Variants in LRFN5 observed in about 807,000 individuals in gnomAD.
LRFN5 encodes the protein leucine rich repeat and fibronectin type III domain containing 5.
Under a neutral mutation model 45.6 loss-of-function variants are expected in LRFN5, and 24 were observed. The observed-to-expected ratio is 0.53, with a 90% CI of 0.38 to 0.74. LRFN5 has a LOEUF of 0.74. Among genes scored for constraint, LRFN5 ranks in the 30% least tolerant of loss-of-function variants. LRFN5 has a pLI of 0.00. For missense variants in LRFN5, 776 were observed against 861.5 expected (o/e 0.90, Z 1.24); for synonymous variants, 340 against 313.8 (o/e 1.08, Z -0.88).
At chr14:41,631,321 T>C (rs1186063065) in intron 1 of LRFN5, among the ~76,000 whole-genome samples, 1 of 152,156 alleles carries the variant, frequency 6.6e-6, no homozygotes, top group Admixed American at 6.6e-5. Flanking sequence ...TATCATTCCA[T>C]ACTGTTCAAA....
intron 1 of LRFN5, among the ~76,000 whole-genome samples, chr14:41,635,308 T>C (rs1404776218): frequency 6.6e-6 from 1 of 152,204 alleles, no homozygotes; most frequent in Non-Finnish European, 1.5e-5. Flanking sequence ...TTGAATACAT[T>C]ATTTTTAAAA....
At chr14:41,897,761 G>T (rs566007383) in intron 4 of LRFN5, among the ~76,000 whole-genome samples, 9 of 152,102 alleles carry the variant, frequency 5.9e-5, no homozygotes, top group African/African-American at 2.2e-4. Flanking sequence ...CAAACTTGGT[G>T]ACTGTTATGT....
At chr14:41,688,702 A>T (rs1436801062) in intron 1 of LRFN5, among the ~76,000 whole-genome samples, 1 of 151,852 alleles carries the variant, frequency 6.6e-6, no homozygotes, top group East Asian at 1.9e-4. Flanking sequence ...AAAAAAAACC[A>T]TGAGATACCA....
chr14:41,840,974 TAGTC>T (rs1165679328), intron 2 of LRFN5, among the ~76,000 whole-genome samples: 1 of 151,938 alleles, frequency 6.6e-6, no homozygotes, highest in Non-Finnish European at 1.5e-5. Flanking sequence ...CGTATTTTAG[TAGTC>T]AGTATTTGAA....
chr14:41,902,375 G>A (rs1891129040), intron 5 of LRFN5, among the ~76,000 whole-genome samples: 1 of 151,528 alleles, frequency 6.6e-6, no homozygotes, highest in African/African-American at 2.4e-5. Context: ...TTATGTTTAG[G>A]TATTTATGGA....
At position 41,790,527 on chromosome 14, in the gene LRFN5, G is replaced by T. The variant is rs377164044; in HGVS notation, c.-21+23498G>T. Among the ~76,000 whole-genome samples, 3 of 145,918 alleles carry T rather than the reference G, an allele frequency of 2.1e-5. No individual in the cohort carries two copies. In the East Asian group the frequency reaches 6.1e-4, roughly 30 times the overall value. ...TAACTATGGTGGATTTTCTTTTTCTGCTAATTAATATTTGCTCTTCTTCTT... is the reference window on the plus strand; with the variant it reads ...TAACTATGGTGGATTTTCTTTTTCTTCTAATTAATATTTGCTCTTCTTCTT... On this transcript the variant is annotated intron_variant, in intron 2 of 5. Transcript: ENST00000298119.
intron 2 of LRFN5, among the ~76,000 whole-genome samples, chr14:41,817,699 T>C (rs1179280565): frequency 2.0e-5 from 3 of 152,254 alleles, no homozygotes; most frequent in African/African-American, 7.2e-5. Flanking sequence ...TATTTTCATC[T>C]TTCTCCTGCT....
At chr14:41,869,428 C>CTT (rs143045395) in intron 2 of LRFN5, among the ~76,000 whole-genome samples, 1 of 144,018 alleles carries the variant, frequency 6.9e-6, no homozygotes, top group Non-Finnish European at 1.5e-5. Context: ...CTTTATGCAG[C>CTT]TTTTTTTTTT....
At chr14:41,657,537 A>C (rs1432734762) in intron 1 of LRFN5, among the ~76,000 whole-genome samples, 1 of 151,974 alleles carries the variant, frequency 6.6e-6, no homozygotes, top group Non-Finnish European at 1.5e-5. Context: ...GAAGCTCATA[A>C]GGTAATTTGG....
Position 41,887,533 on chromosome 14 carries a change from G to A in LRFN5, c.908G>A (p.Arg303Lys), listed in dbSNP as rs766002624. The A allele has an allele frequency of 1.9e-6, 3 of 1,614,160 alleles. No homozygotes were observed. In the Admixed American group the frequency reaches 5.0e-5, roughly 27 times the overall value. ...THEMRVLEGQ[R>K]ATLRCKARGD... ...GAGATGAGAGTCCTGGAGGGACAAAGGGCAACACTGAGGTGCAAAGCCAGG... is the reference window on the plus strand; with the variant it reads ...GAGATGAGAGTCCTGGAGGGACAAAAGGCAACACTGAGGTGCAAAGCCAGG... Residue 303 changes from arginine (R) to lysine (K), a missense_variant, in exon 3 of 6, where the codon AGG (arginine) becomes AAG (lysine). Coordinates refer to ENST00000298119, the MANE Select transcript of LRFN5 (RefSeq NM_152447.5). The surrounding 1 kb of genome is among the most constrained non-coding windows in gnomAD (Gnocchi z 4.8).
In LRFN5 at chr14:41,631,718, T is replaced by C. The variant is rs188419317; in HGVS notation, c.-197+23156T>C. On this transcript the variant is annotated intron_variant, in intron 1 of 5. Coordinates refer to ENST00000298119, the MANE Select transcript of LRFN5 (RefSeq NM_152447.5). ...ACTGAGAGAAATAATAAGTCATGAG[T>C]ATATCCAGAAGAACAGAGCCTGAGA... is the stretch of plus-strand genomic sequence containing the variant. 1.5e-3 allele frequency among the ~76,000 whole-genome samples: 223 copies of C among 152,060 alleles called. 1 individual carries two copies. The highest frequency in any genetic ancestry group is 2.3e-3 in the Non-Finnish European group (157 of 67,998).
rs772168520 is a variant in LRFN5, at chr14:41,891,953, A to G, written c.2089A>G (p.Ile697Val). 17 of 1,612,016 alleles carry G rather than the reference A, an allele frequency of 1.1e-5. No individual in the cohort carries two copies. The highest frequency in any genetic ancestry group is 5.4e-5 in the African/African-American group (4 of 74,714). Residue 697 changes from isoleucine (I) to valine (V), a missense_variant, in exon 4 of 6, where the codon ATA (isoleucine) becomes GTA (valine). Ile to Val is a conservative substitution (Grantham distance 29). Around this residue, in one of 2 missense-constraint regions of LRFN5, gnomAD observed 465 missense variants for 456.4 expected, o/e 1.02. Coordinates refer to ENST00000298119, the MANE Select transcript of LRFN5 (RefSeq NM_152447.5). ...TEGPTSKRAH[I>V]KPNALLTNVD... ...GGGGCCCACGTCTAAAAGAGCACAT[A>G]TAAAGCCAAGTAAGTTTATCACTTT...
chr14:41,819,048 T>C (rs1027756187), intron 2 of LRFN5, among the ~76,000 whole-genome samples: 3 of 152,194 alleles, frequency 2.0e-5, no homozygotes, highest in African/African-American at 7.2e-5. Context: ...GTTCTGTCCA[T>C]ATTGCTGCAA....
intron 2 of LRFN5, among the ~76,000 whole-genome samples, chr14:41,880,557 C>T (rs1001991644): frequency 1.2e-4 from 18 of 151,826 alleles, no homozygotes; most frequent in Non-Finnish European, 2.5e-4. Context: ...AATAGTCTTG[C>T]TAAAGTTCCA....
At chr14:41,645,021 A>G (rs767892573) in intron 1 of LRFN5, among the ~76,000 whole-genome samples, 6 of 152,202 alleles carry the variant, frequency 3.9e-5, no homozygotes, top group Non-Finnish European at 4.4e-5. Context: ...AGCTTTTGGT[A>G]TGGATTAGTC....
chr14:41,781,665 G>GGAAA (rs1313209632), intron 2 of LRFN5, among the ~76,000 whole-genome samples: 84 of 141,270 alleles, frequency 5.9e-4, no homozygotes, highest in African/African-American at 1.9e-3. Flanking sequence ...AAGAAAGAAA[G>GGAAA]GAAAGAAAGA....
intron 5 of LRFN5, 46 bp downstream of exon 5, chr14:41,899,006 A>C (rs377628681): frequency 7.0e-7 from 1 of 1,428,362 alleles, no homozygotes; most frequent in East Asian, 2.4e-5. Context: ...TTAAATGGGT[A>C]TACACTTTTT....
intron 2 of LRFN5, among the ~76,000 whole-genome samples, chr14:41,844,122 T>A (rs1888963502): frequency 6.6e-6 from 1 of 152,148 alleles, no homozygotes; most frequent in Admixed American, 6.5e-5. Flanking sequence ...ACAGTTCAAC[T>A]GAAATGAATG....
chr14:41,824,875 G>A (rs1176586183), intron 2 of LRFN5, among the ~76,000 whole-genome samples: 1 of 152,078 alleles, frequency 6.6e-6, no homozygotes, highest in East Asian at 1.9e-4. Context: ...CAAGGGGAGA[G>A]GGGACTGCAC....
Sources: gnomAD v4.1 joint callset for allele counts (sites outside exome capture counted in the v4.1 genomes callset) on GRCh38, gnomAD v4.1.1 for gene constraint, gnomAD v4.1.1 regional missense constraint, Gnocchi (gnomAD v3.1) non-coding constraint, MANE v1.5 for transcripts, NCBI Gene and HGNC (gene_info 2026-07-23, HGNC 2026-07-21) for gene names.